PDCD4: variants seen among roughly 807,000 people sequenced by gnomAD.
The protein encoded by PDCD4 is programmed cell death protein 4.
In PDCD4, 56 loss-of-function variants were observed where a neutral mutation model predicts 54.0. The observed-to-expected ratio is 1.04, with a 90% CI of 0.84 to 1.30. The LOEUF (loss-of-function observed/expected upper bound fraction) is 1.30. Ranked by LOEUF, PDCD4 falls within the 50% of genes most tolerant of loss-of-function variation. The pLI is 0.00. For missense variants in PDCD4, 584 were observed against 559.8 expected, an observed-to-expected ratio of 1.04 and a Z score of -0.44; for synonymous variants, 186 against 194.8, an observed-to-expected ratio of 0.95 and a Z score of 0.37.
chr10:110,875,266 T>G (rs760917279), intron 1 of PDCD4, among the ~76,000 whole-genome samples: 1 of 152,184 alleles, frequency 6.6e-6, no homozygotes, highest in Non-Finnish European at 1.5e-5. Context: ...CCTAAAATAC[T>G]GAAATGCTTA....
intron 1 of PDCD4, among the ~76,000 whole-genome samples, chr10:110,873,109 A>G (rs1845447500): frequency 6.6e-6 from 1 of 152,236 alleles, no homozygotes; most frequent in African/African-American, 2.4e-5. Context: ...AGTTACTGGT[A>G]TTTATGCCCT....
rs550404806 is a variant in PDCD4 at position 110,890,609 on chromosome 10, G to A, written c.929G>A (p.Arg310His). The A allele has an allele frequency of 3.6e-5, 58 of 1,613,592 alleles. No individual in the cohort carries two copies. Among genetic ancestry groups the A allele is most frequent in the Middle Eastern group, 3.3e-4 (2 of 6,056 alleles). The change falls in exon 8 of 12, where the codon CGT (arginine) becomes CAT (histidine). Residue 310 changes from arginine (R) to histidine (H), a missense_variant. Coordinates refer to ENST00000280154, the MANE Select transcript of PDCD4 (RefSeq NM_014456.5). ...CTGAGTATGTCTAAAGGTGGAAAGC[G>A]TAAAGATAGTGTGTGGGGCTCTGGA... Reference protein sequence around the residue: ...VLLSMSKGGKRKDSVWGSGGG... With the variant: ...VLLSMSKGGKHKDSVWGSGGG...
At chr10:110,885,089 C>T in intron 4 of PDCD4, 164 bp from the exon 5 acceptor site, 1 of 467,356 alleles carries the variant, frequency 2.1e-6, no homozygotes, top group Non-Finnish European at 3.8e-6. Context: ...AGTCTCCTTG[C>T]CTGGCCTAGA....
chr10:110,888,228 G>A (rs563398549), intron 6 of PDCD4, among the ~76,000 whole-genome samples: 1 of 151,724 alleles, frequency 6.6e-6, no homozygotes, highest in East Asian at 1.9e-4. Flanking sequence ...ATGATTGAAT[G>A]CTTCACTAAT....
chr10:110,885,476 T>G (rs1845656738), intron 5 of PDCD4, 110 bp downstream of exon 5: 2 of 515,856 alleles, frequency 3.9e-6, no homozygotes, highest in African/African-American at 4.0e-5. Context: ...TTAATCATTT[T>G]CTTTTGCATA....
chr10:110,891,467 A>ATTT, intron 8 of PDCD4, among the ~76,000 whole-genome samples: 1 of 140,844 alleles, frequency 7.1e-6, no homozygotes, highest in African/African-American at 2.6e-5. Flanking sequence ...TTCCCTATGG[A>ATTT]TTTTTTTTTT....
chr10:110,894,326 A>G (rs1590737854), intron 9 of PDCD4, 86 bp from the exon 10 acceptor site: 9 of 891,054 alleles, frequency 1.0e-5, no homozygotes, highest in African/African-American at 1.7e-5. Context: ...TTAAATTTCT[A>G]CGATTACAGA....
intron 5 of PDCD4, 152 bp downstream of exon 5, chr10:110,885,518 A>G (rs747050410): frequency 1.3e-5 from 6 of 464,700 alleles, no homozygotes; most frequent in Non-Finnish European, 2.3e-5. Flanking sequence ...ATAAAATCTC[A>G]TTACATTAAA....
In PDCD4 at chr10:110,881,288, T is replaced by A; in HGVS notation, c.99T>A (p.Thr33=). ...LFSGDEENAG[T]EEIKNEINGN... ...CCGGTGATGAAGAAAATGCTGGGACTGAGGAAATAAAGAATGAAATAAATG... is the reference window on the plus strand; with the variant it reads ...CCGGTGATGAAGAAAATGCTGGGACAGAGGAAATAAAGAATGAAATAAATG... Residue 33 remains threonine (T), a synonymous_variant, in exon 3 of 12, where the codon ACT becomes ACA. Coordinates refer to ENST00000280154, the MANE Select transcript of PDCD4 (RefSeq NM_014456.5). 6.2e-7 allele frequency: 1 copy of A among 1,613,650 alleles called. No individual in the cohort carries two copies. The highest frequency in any genetic ancestry group is 2.2e-5 in the East Asian group (1 of 44,884).
intron 10 of PDCD4, among the ~76,000 whole-genome samples, 164 bp from the exon 11 acceptor site, chr10:110,895,784 G>A (rs996122756): frequency 4.6e-5 from 7 of 152,172 alleles, no homozygotes. Flanking sequence ...GTAAAACACT[G>A]TAACAAATCT....
chr10:110,880,361 G>T (rs993191911), intron 2 of PDCD4: 13 of 152,162 alleles, frequency 8.5e-5, no homozygotes, highest in African/African-American at 3.1e-4. Flanking sequence ...GTAAGACTTG[G>T]GCTATATCCT....
intron 1 of PDCD4, among the ~76,000 whole-genome samples, chr10:110,873,094 C>T (rs989180855): frequency 2.0e-5 from 3 of 152,188 alleles, no homozygotes; most frequent in Non-Finnish European, 2.9e-5. Context: ...GCTTTTTAAG[C>T]AAGGAGTTAC....
chr10:110,883,107 C>T lies in PDCD4; in HGVS notation c.441+10C>T, dbSNP rs745630281. On this transcript the variant is annotated intron_variant, in intron 4 of 11. Transcript: ENST00000280154. ...CTATGATGATGACCAGGTATCAGTG[C>T]TTTGCTTTTTCATAATATTTAAAAT... The T allele has an allele frequency of 1.3e-6, 2 of 1,523,078 alleles. No individual in the cohort carries two copies. Among genetic ancestry groups the T allele is most frequent in the Non-Finnish European group, 1.8e-6 (2 of 1,119,478 alleles). The allele number at this position is 1,523,078 out of a possible 1,614,324, so 94.3% of individuals were successfully genotyped here.
chr10:110,875,224 T>G (rs79803915), intron 1 of PDCD4, among the ~76,000 whole-genome samples: 9,174 of 152,192 alleles, frequency 0.06, 324 homozygotes, highest in East Asian at 0.1. Context: ...CCTTCCAGTA[T>G]TAATAATTTT....
chr10:110,898,773 C>T lies in PDCD4; in HGVS notation c.*685C>T, dbSNP rs1394452365. 1 of 152,518 alleles carries T rather than the reference C, an allele frequency of 6.6e-6. No individual in the cohort carries two copies. The highest frequency in any genetic ancestry group is 1.5e-5 in the Non-Finnish European group (1 of 68,020). 9.4% of individuals were successfully genotyped at this position (152,518 alleles called of 1,614,324 possible). A position where few individuals can be genotyped will look rare whatever the true frequency, so the allele number is the denominator to read the frequency against. On this transcript the variant is annotated 3_prime_UTR_variant, in exon 12 of 12. Transcript: ENST00000280154. The stretch of plus-strand genomic sequence containing the variant: ...TTATTGGGAGTACATTTTTTTAGGT[C>T]TCTTAAACTTTAATTTCACACAGTA...
intron 2 of PDCD4, 40 bp downstream of exon 2, chr10:110,876,110 G>C (rs1417958178): frequency 2.6e-6 from 4 of 1,534,852 alleles, no homozygotes; most frequent in Non-Finnish European, 3.6e-6. Context: ...TCTTCGTTTT[G>C]AGACAGGATC....
At chr10:110,872,976 A>G (rs1305574275) in intron 1 of PDCD4, among the ~76,000 whole-genome samples, 1 of 152,134 alleles carries the variant, frequency 6.6e-6, no homozygotes, top group Non-Finnish European at 1.5e-5. Flanking sequence ...CAGAAATGCG[A>G]TTAGGTGTCG....
At chr10:110,882,859 A>G in intron 3 of PDCD4, 144 bp from the exon 4 acceptor site, 2 of 589,150 alleles carry the variant, frequency 3.4e-6, no homozygotes, top group Non-Finnish European at 3.0e-6. Context: ...AACAAAAACC[A>G]GTAGGGGAAG....
intron 3 of PDCD4, 65 bp downstream of exon 3, chr10:110,881,600 T>C: frequency 7.6e-7 from 1 of 1,308,980 alleles, no homozygotes; most frequent in Non-Finnish European, 1.1e-6. Context: ...CTGGTTCTTG[T>C]ACTACACTTT....
Sources: allele counts gnomAD v4.1 joint callset (sites outside exome capture counted in the v4.1 genomes callset), GRCh38; gene constraint gnomAD v4.1.1; transcripts MANE v1.5; gene names NCBI Gene and HGNC (gene_info 2026-07-23, HGNC 2026-07-21).